RRP15: variants seen among roughly 807,000 people sequenced by gnomAD.
The protein encoded by RRP15 is ribosomal RNA processing 15 homolog.
Under a neutral mutation model 27.1 loss-of-function variants are expected in RRP15, and 18 were observed. That is an observed-to-expected ratio of 0.66 (90% CI 0.46 to 0.98). The LOEUF is 0.98. Ranked by LOEUF, RRP15 falls within the 50% of genes least tolerant of loss-of-function variation. RRP15 has a pLI of 0.00. For synonymous variants in RRP15, 107 were observed against 109.4 expected, an observed-to-expected ratio of 0.98 and a Z score of 0.14; for missense variants, 359 against 337.8, an observed-to-expected ratio of 1.06 and a Z score of -0.49.
intron 1 of RRP15, among the ~76,000 whole-genome samples, chr1:218,297,930 C>T (rs1655746437): frequency 6.6e-6 from 1 of 152,096 alleles, no homozygotes. Context: ...TATGAAATCC[C>T]AAACTTACTT....
intron 4 of RRP15, among the ~76,000 whole-genome samples, chr1:218,309,499 A>G (rs576642122): frequency 6.6e-6 from 1 of 152,136 alleles, no homozygotes; most frequent in East Asian, 1.9e-4. Flanking sequence ...CCTGGCCAAC[A>G]TGGTGAAACA....
intron 1 of RRP15, among the ~76,000 whole-genome samples, chr1:218,291,528 CT>C (rs776529360): frequency 0.023 from 2,423 of 104,894 alleles, 4 homozygotes; most frequent in Non-Finnish European, 0.03. Flanking sequence ...TTGAATTTTC[CT>C]TTTTTTTTTT....
rs768751399 is a variant in RRP15, at chr1:218,285,325, C to T, written c.9C>T (p.Ala3=). 8 of 1,613,078 alleles carry T rather than the reference C, an allele frequency of 5.0e-6. No homozygotes were observed. The highest frequency in any genetic ancestry group is 4.0e-5 in the African/African-American group (3 of 74,732). ...GCTTCCGGCGCAGAAAAATGGCAGC[C>T]GCCGCTCCGGACTCACGTGTGAGTG... MA[A]AAPDSRVSEE... is the part of the protein sequence containing the mutation. Residue 3 remains alanine, a synonymous_variant, in exon 1 of 5, where the codon GCC becomes GCT. Transcript: ENST00000366932.
chr1:218,327,943 C>A (rs1439036590), intron 4 of RRP15, among the ~76,000 whole-genome samples: 1 of 152,222 alleles, frequency 6.6e-6, no homozygotes, highest in Non-Finnish European at 1.5e-5. Flanking sequence ...AAATAATTAT[C>A]TTTAACATGC....
At chr1:218,293,999 C>A (rs1655682810) in intron 1 of RRP15, among the ~76,000 whole-genome samples, 1 of 151,560 alleles carries the variant, frequency 6.6e-6, no homozygotes, top group African/African-American at 2.4e-5. Context: ...TGAATAATAG[C>A]AAAATGACTA....
Position 218,336,561 on chromosome 1 carries a change from C to T in RRP15, c.*5470C>T, listed in dbSNP as rs746986921. On this transcript the variant is annotated 3_prime_UTR_variant, in exon 5 of 5. Transcript: ENST00000366932. ...CAGTTGCCTCTTTGCATTTGCAGAACCAGACTTCAATCTTAGGTAAAAATG... is the reference window on the plus strand; with the variant it reads ...CAGTTGCCTCTTTGCATTTGCAGAATCAGACTTCAATCTTAGGTAAAAATG... The T allele has an allele frequency of 2.6e-5, 4 of 152,574 alleles. No homozygotes were observed. Among genetic ancestry groups the T allele is most frequent in the Non-Finnish European group, 4.4e-5 (3 of 68,042 alleles). The allele number at this position is 152,574 out of a possible 1,614,324, so 9.5% of individuals were successfully genotyped here.
At chr1:218,297,700 A>C (rs1302140899) in intron 1 of RRP15, among the ~76,000 whole-genome samples, 1 of 152,192 alleles carries the variant, frequency 6.6e-6, no homozygotes, top group Non-Finnish European at 1.5e-5. Context: ...AAGGTTAACC[A>C]ATAGGCTTAC....
rs2102521336 is a variant in RRP15, at chr1:218,336,041, G to A, written c.*4950G>A. The stretch of plus-strand genomic sequence containing the variant: ...GAATGGGTTTATGATGCACCAAAAG[G>A]ACATTTTGAGAACTGCCGGAGCAAC... On this transcript the variant is annotated 3_prime_UTR_variant, in exon 5 of 5. Transcript: ENST00000366932. 1.3e-5 allele frequency: 2 copies of A among 152,136 alleles called. No homozygotes were observed. Among genetic ancestry groups the A allele is most frequent in the Non-Finnish European group, 2.9e-5 (2 of 67,994 alleles). The allele number at this position is 152,136 out of a possible 1,614,324, so 9.4% of individuals were successfully genotyped here. A position where few individuals can be genotyped will look rare whatever the true frequency, so the allele number is the denominator to read the frequency against.
At position 218,332,613 on chromosome 1, in the gene RRP15, A is replaced by G. The variant is rs1656388542; in HGVS notation, c.*1522A>G. The G allele has an allele frequency of 6.6e-6, 1 of 152,224 alleles. No homozygotes were observed. Among genetic ancestry groups the G allele is most frequent in the Non-Finnish European group, 1.5e-5 (1 of 68,038 alleles). 9.4% of individuals were successfully genotyped at this position (152,224 alleles called of 1,614,324 possible). A position where few individuals can be genotyped will look rare whatever the true frequency, so the allele number is the denominator to read the frequency against. On this transcript the variant is annotated 3_prime_UTR_variant, in exon 5 of 5. Coordinates refer to ENST00000366932, the MANE Select transcript of RRP15 (RefSeq NM_016052.4). The stretch of plus-strand genomic sequence containing the variant: ...ACCCATTTGAGTGTTACAGTATTAT[A>G]TGACTAAAGCTGAATCAGTCTGTGG...
chr1:218,324,606 G>A (rs1216139947), intron 4 of RRP15, among the ~76,000 whole-genome samples: 1 of 152,216 alleles, frequency 6.6e-6, no homozygotes. Flanking sequence ...GTGCATATGT[G>A]TAGTCGTATC....
chr1:218,335,855 T>C lies in RRP15; in HGVS notation c.*4764T>C, dbSNP rs958234737. The C allele has an allele frequency of 4.6e-5, 7 of 152,350 alleles. No individual in the cohort carries two copies. The highest frequency in any genetic ancestry group is 3.9e-4 in the East Asian group (2 of 5,188). 9.4% of individuals were successfully genotyped at this position (152,350 alleles called of 1,614,324 possible). The stretch of plus-strand genomic sequence containing the variant: ...CAGTATTTATATTTTTAAAAAGATA[T>C]GTTTCTTTATAATTAACTTGTATTG... On this transcript the variant is annotated 3_prime_UTR_variant, in exon 5 of 5. Transcript: ENST00000366932.
At chr1:218,303,462 C>G (rs1366944077) in intron 2 of RRP15, among the ~76,000 whole-genome samples, 3 of 152,192 alleles carry the variant, frequency 2.0e-5, no homozygotes, top group Non-Finnish European at 4.4e-5. Flanking sequence ...CTTAGAAACA[C>G]AGCATACTCT....
intron 1 of RRP15, 195 bp from the exon 2 acceptor site, chr1:218,302,099 G>T (rs11118073): frequency 0.051 from 26,455 of 518,808 alleles, 1,262 homozygotes; most frequent in African/African-American, 0.19. Flanking sequence ...GTGGCTGGGC[G>T]AGGTCTCTGG....
chr1:218,323,759 G>T (rs1197555999), intron 4 of RRP15, among the ~76,000 whole-genome samples: 1 of 152,208 alleles, frequency 6.6e-6, no homozygotes, highest in Non-Finnish European at 1.5e-5. Flanking sequence ...GTCCGGAGGG[G>T]GCCAAGGGGG....
chr1:218,317,590 A>G (rs1414697724), intron 4 of RRP15, among the ~76,000 whole-genome samples: 2 of 152,362 alleles, frequency 1.3e-5, no homozygotes, highest in Non-Finnish European at 2.9e-5. Flanking sequence ...TTAGAAAATT[A>G]TTTATAAATT....
chr1:218,286,487 C>G (rs1311885365), intron 1 of RRP15, among the ~76,000 whole-genome samples: 2 of 152,210 alleles, frequency 1.3e-5, no homozygotes, highest in African/African-American at 2.4e-5. Context: ...TTGTCCCTGA[C>G]TACCCTATGT....
chr1:218,314,102 A>G (rs1379059396), intron 4 of RRP15, among the ~76,000 whole-genome samples: 1 of 151,974 alleles, frequency 6.6e-6, no homozygotes, highest in African/African-American at 2.4e-5. Context: ...TGATCCACCC[A>G]CCTAGGCCTC....
intron 4 of RRP15, among the ~76,000 whole-genome samples, chr1:218,314,880 T>C (rs1333576211): frequency 6.6e-6 from 1 of 150,906 alleles, no homozygotes; most frequent in African/African-American, 2.4e-5. Context: ...TAATCCCAGC[T>C]ACTTGGGAGG....
intron 1 of RRP15, chr1:218,301,152 G>T (rs1655804140): frequency 6.6e-6 from 1 of 152,204 alleles, no homozygotes; most frequent in African/African-American, 2.4e-5. Flanking sequence ...CAAAGAAAGT[G>T]CAGTTGTTTA....
Sources: allele counts gnomAD v4.1 joint callset (sites outside exome capture counted in the v4.1 genomes callset), GRCh38; gene constraint gnomAD v4.1.1; transcripts MANE v1.5; gene names NCBI Gene and HGNC (gene_info 2026-07-23, HGNC 2026-07-21).